AAK1: variants seen among roughly 807,000 people sequenced by gnomAD.
The protein encoded by AAK1 is AP2 associated kinase 1, also known as AP2-associated protein kinase 1.
Under a neutral mutation model 116.0 loss-of-function variants are expected in AAK1, and 37 were observed. That is an observed-to-expected ratio of 0.32 (90% CI 0.25 to 0.42). AAK1 has a LOEUF of 0.42. Ranked by LOEUF, AAK1 falls within the 10% of genes least tolerant of loss-of-function variation. The pLI, the probability that AAK1 is intolerant of heterozygous loss-of-function variation, is 1.00. For missense variants in AAK1, 919 were observed against 1,170.6 expected, an observed-to-expected ratio of 0.79 and a Z score of 3.14; for synonymous variants, 458 against 439.9, an observed-to-expected ratio of 1.04 and a Z score of -0.51.
In AAK1 at chr2:69,514,603, G is replaced by A. The variant is rs754087321; in HGVS notation, c.1644C>T (p.Ala548=). The A allele has an allele frequency of 6.3e-7, 1 of 1,592,698 alleles. No individual in the cohort carries two copies. Among genetic ancestry groups the A allele is most frequent in the South Asian group, 1.1e-5 (1 of 87,576 alleles). ...TCAGCTGTTGTTGATGCAGGGCTGT[G>A]GCCAGCTGTTGCTGTTGCTGTTGTT... is the stretch of plus-strand genomic sequence containing the variant. The part of the protein sequence containing the change: ...QQQQQQQQQL[A]TALHQQQLMT... Residue 548 remains alanine, a synonymous_variant, in exon 13 of 22, where the codon GCC becomes GCT. Coordinates refer to ENST00000409085, the MANE Select transcript of AAK1 (RefSeq NM_014911.5).
intron 2 of AAK1, among the ~76,000 whole-genome samples, chr2:69,577,242 C>T (rs1672351082): frequency 6.6e-6 from 1 of 152,210 alleles, no homozygotes; most frequent in Non-Finnish European, 1.5e-5. Flanking sequence ...TTAAAGCCCA[C>T]CTACAAGAGG....
intron 17 of AAK1, among the ~76,000 whole-genome samples, chr2:69,491,106 A>T (rs1675503439): frequency 2.0e-5 from 3 of 151,250 alleles, no homozygotes; most frequent in Non-Finnish European, 4.4e-5. Flanking sequence ...CTGGCTAATT[A>T]AAAAAAAATT....
chr2:69,492,981 C>T (rs1176800185), intron 17 of AAK1, among the ~76,000 whole-genome samples: 3 of 151,358 alleles, frequency 2.0e-5, no homozygotes, highest in Non-Finnish European at 2.9e-5. Flanking sequence ...TGTAGTTTGC[C>T]CAGGTTCTAG....
intron 10 of AAK1, among the ~76,000 whole-genome samples, chr2:69,523,316 T>C (rs17036716): frequency 0.02 from 3,073 of 152,270 alleles, 94 homozygotes; most frequent in African/African-American, 0.07. Context: ...GCAGAATTAG[T>C]GAAGGAAATG....
At chr2:69,514,035 G>C (rs1676489244) in intron 13 of AAK1, among the ~76,000 whole-genome samples, 1 of 152,142 alleles carries the variant, frequency 6.6e-6, no homozygotes, top group Admixed American at 6.5e-5. Context: ...CTTAAATAAT[G>C]TGATTAGTAA....
In AAK1 at chr2:69,519,201, TG is replaced by T; in HGVS notation, c.1249del (p.Gln417AsnfsTer111). On this transcript the variant is annotated frameshift_variant, in exon 12 of 22. Transcript: ENST00000409085. LOFTEE classifies it high-confidence loss of function. ...NQPGLLASVP[Q>X]PKPQAPPSQP... is the part of the protein sequence containing the mutation. ...GCTGGGTGGGGCTTGGGGTTTTGGT[TG>T]GGGAACACTGGCTAAAAGGCCAGGC... is the stretch of plus-strand genomic sequence containing the variant. 1 of 1,587,978 alleles carries T rather than the reference TG, an allele frequency of 6.3e-7. No individual in the cohort carries two copies. The highest frequency in any genetic ancestry group is 8.6e-7 in the Non-Finnish European group (1 of 1,167,378).
chr2:69,559,559 T>C (rs1382902450), intron 2 of AAK1, among the ~76,000 whole-genome samples: 2 of 152,238 alleles, frequency 1.3e-5, no homozygotes, highest in Admixed American at 1.3e-4. Context: ...TTCATTGATA[T>C]TTAGAATTTT....
rs376848708 is a variant in AAK1, at chr2:69,550,246, T to C, written c.283-5702A>G. Among the ~76,000 whole-genome samples the C allele has an allele frequency of 3.9e-5, 6 of 152,336 alleles. No individual in the cohort carries two copies. In the South Asian group the frequency reaches 1.2e-3, roughly 32 times the overall value. ...TTGTTATGACATGGTTTGTTCTTAT[T>C]GAACCTGAAGGCTCTCTGGACCTCT... is the stretch of plus-strand genomic sequence containing the variant. On this transcript the variant is annotated intron_variant, in intron 3 of 21. Coordinates refer to ENST00000409085, the MANE Select transcript of AAK1 (RefSeq NM_014911.5).
rs531078268 is a variant in AAK1 at position 69,504,392 on chromosome 2, C to T, written c.2269+1177G>A. ...CAGCCTGGGCGACAGAATGAGACTC[C>T]ATCTCAAAAAAAAAAAAAAAAAAAA... On this transcript the variant is annotated intron_variant, in intron 16 of 21. Transcript: ENST00000409085. Among the ~76,000 whole-genome samples the T allele has an allele frequency of 4.6e-5, 5 of 108,184 alleles. No individual in the cohort carries two copies. In the South Asian group the frequency reaches 1.7e-3, roughly 36 times the overall value. The allele number at this position is 108,184 out of a possible 152,430, so 71.0% of individuals were successfully genotyped here. A position where few individuals can be genotyped will look rare whatever the true frequency, so the allele number is the denominator to read the frequency against.
At position 69,633,472 on chromosome 2, in the gene AAK1, G is replaced by A. The variant is rs149618671; in HGVS notation, c.163+9406C>T. 1.8e-3 allele frequency among the ~76,000 whole-genome samples: 274 copies of A among 151,532 alleles called. 2 individuals are homozygous for A. Among genetic ancestry groups the A allele is most frequent in the African/African-American group, 6.4e-3 (266 of 41,292 alleles). On this transcript the variant is annotated intron_variant, in intron 2 of 21. Transcript: ENST00000409085. The stretch of plus-strand genomic sequence containing the variant: ...AAAAATTAGCTGGGCATGGTGGTAC[G>A]CGCCTGCAGTACCAGCTACTTGGGA...
At chr2:69,615,124 C>A (rs896588175) in intron 2 of AAK1, among the ~76,000 whole-genome samples, 4 of 152,178 alleles carry the variant, frequency 2.6e-5, no homozygotes, top group African/African-American at 9.7e-5. Context: ...TCCTCATGGG[C>A]ACCATCAAAA....
In AAK1 at chr2:69,505,633, C is replaced by G; in HGVS notation, c.2205G>C (p.Leu735Phe). Residue 735 changes from leucine to phenylalanine, a missense_variant, in exon 16 of 22, where the codon TTG becomes TTC. By Grantham distance (22) the Leu-to-Phe change is conservative (BLOSUM62 0). Around this residue, in one of 4 missense-constraint regions of AAK1, gnomAD observed 263 missense variants for 285.5 expected, o/e 0.92. Coordinates refer to ENST00000409085, the MANE Select transcript of AAK1 (RefSeq NM_014911.5). Reference protein sequence around the residue: ...PEKLGGSAESLIPGFQSTQGD... With the variant: ...PEKLGGSAESFIPGFQSTQGD... The stretch of plus-strand genomic sequence containing the variant: ...CTTGGGTTGATTGAAAGCCTGGGAT[C>G]AAACTCTCAGCTGAGCCTCCAAGCT... 3 of 1,613,678 alleles carry G rather than the reference C, an allele frequency of 1.9e-6. No homozygotes were observed. Among genetic ancestry groups the G allele is most frequent in the Admixed American group, 1.7e-5 (1 of 60,010 alleles).
intron 13 of AAK1, among the ~76,000 whole-genome samples, chr2:69,509,777 CT>C (rs1174143172): frequency 6.6e-6 from 1 of 152,164 alleles, no homozygotes; most frequent in Non-Finnish European, 1.5e-5. Context: ...GCTATTCCAG[CT>C]GTAAAGATCT....
At chr2:69,524,099 G>A (rs1669910748) in intron 10 of AAK1, among the ~76,000 whole-genome samples, 1 of 152,208 alleles carries the variant, frequency 6.6e-6, no homozygotes, top group South Asian at 2.1e-4. Context: ...GACCCAGAGA[G>A]TCTTCTGCTG....
intron 2 of AAK1, among the ~76,000 whole-genome samples, chr2:69,565,973 G>A (rs1671849107): frequency 6.7e-6 from 1 of 149,924 alleles, no homozygotes; most frequent in Non-Finnish European, 1.5e-5. Context: ...CGGGTACACT[G>A]TTCAGGTGGG....
Position 69,520,129 on chromosome 2 carries a change from T to G in AAK1, c.1210+705A>C, listed in dbSNP as rs186029652. ...CCATTTCAATGTCCCAAAGTTTAATTAACAGAACAGGGAAGCTGCCCTGGA... is the reference window on the plus strand; with the variant it reads ...CCATTTCAATGTCCCAAAGTTTAATGAACAGAACAGGGAAGCTGCCCTGGA... On this transcript the variant is annotated intron_variant, in intron 11 of 21. Transcript: ENST00000409085. The G allele has an allele frequency of 7.6e-3, 1,776 of 232,940 alleles. 15 individuals carry two copies. The highest frequency in any genetic ancestry group is 0.022 in the South Asian group (284 of 12,840). The allele number at this position is 232,940 out of a possible 1,614,324, so 14.4% of individuals were successfully genotyped here.
rs927564415 is a variant in AAK1 at position 69,466,600 on chromosome 2, A to G, written c.*9269T>C. On this transcript the variant is annotated 3_prime_UTR_variant, in exon 22 of 22. Coordinates refer to ENST00000409085, the MANE Select transcript of AAK1 (RefSeq NM_014911.5). ...TTAATGTGTAGGTCAATTCAACTCT[A>G]TTTGGAACATTTAATGGTCAACCCG... 3 of 1,126,946 alleles carry G rather than the reference A, an allele frequency of 2.7e-6. No individual in the cohort carries two copies. Among genetic ancestry groups the G allele is most frequent in the Non-Finnish European group, 2.2e-6 (2 of 908,736 alleles). The allele number at this position is 1,126,946 out of a possible 1,614,324, so 69.8% of individuals were successfully genotyped here. A position where few individuals can be genotyped will look rare whatever the true frequency, so the allele number is the denominator to read the frequency against.
chr2:69,475,910 C>G lies in AAK1; in HGVS notation c.2845G>C (p.Ala949Pro). The change falls in exon 22 of 22, where the codon GCC becomes CCC. Residue 949 changes from alanine (A) to proline (P), a missense_variant. Physicochemically the swap from Ala to Pro is conservative, Grantham distance 27. Transcript: ENST00000409085. ...GSSESSLPNLARSLLLVDQLI... is the reference protein window; with the variant it reads ...GSSESSLPNLPRSLLLVDQLI... Reference sequence around the variant, plus strand: ...TGATCCACCAGCAGTAAAGACCTGGCTAGGTTGGGAAGACTGGACTCAGAG... The same window carrying G: ...TGATCCACCAGCAGTAAAGACCTGGGTAGGTTGGGAAGACTGGACTCAGAG... 1 of 1,612,514 alleles carries G rather than the reference C, an allele frequency of 6.2e-7. No individual in the cohort carries two copies. The highest frequency in any genetic ancestry group is 1.3e-5 in the African/African-American group (1 of 74,980).
At position 69,510,233 on chromosome 2, in the gene AAK1, T is replaced by G. The variant is rs1478140611; in HGVS notation, c.1777-773A>C. 3.3e-5 allele frequency among the ~76,000 whole-genome samples: 5 copies of G among 152,176 alleles called. No homozygotes were observed. In the East Asian group the frequency reaches 9.6e-4, roughly 29 times the overall value. On this transcript the variant is annotated intron_variant, in intron 13 of 21. Coordinates refer to ENST00000409085, the MANE Select transcript of AAK1 (RefSeq NM_014911.5). ...CCTTCAAGGAGGCCCCAGCGTCTGT[T>G]GTTTCCCTCTTTGCGTCCATGAGTT...
Sources: gnomAD v4.1 joint callset for allele counts (sites outside exome capture counted in the v4.1 genomes callset) on GRCh38, gnomAD v4.1.1 for gene constraint, gnomAD v4.1.1 regional missense constraint, MANE v1.5 for transcripts, NCBI Gene and HGNC (gene_info 2026-07-23, HGNC 2026-07-21) for gene names.